Variants in NPHP4 observed in about 807,000 individuals in gnomAD.
NPHP4 encodes the protein nephrocystin 4.
A neutral mutation model predicts 155.8 loss-of-function variants in NPHP4; 151 were observed. That is an observed-to-expected ratio of 0.97 (90% CI 0.85 to 1.11). The LOEUF (loss-of-function observed/expected upper bound fraction) is 1.11. NPHP4 is among the 50% of genes least tolerant of loss of function. The probability of loss-of-function intolerance (pLI) is 0.00; values close to 1 mark genes in which losing one functional copy is unlikely to be tolerated. For missense variants in NPHP4, 1,956 were observed against 1,925.7 expected (o/e 1.02, Z -0.29); for synonymous variants, 845 against 816.8 (o/e 1.03, Z -0.59).
chr1:5,947,273 T>G (rs999292493), intron 8 of NPHP4, 43 bp from the exon 9 acceptor site: 1 of 1,603,568 alleles, frequency 6.2e-7, no homozygotes, highest in Non-Finnish European at 8.5e-7. Flanking sequence ...GAGCTCGAGC[T>G]CCCATCCTTC....
chr1:5,868,721 ATG>A (rs1641561694), intron 23 of NPHP4, among the ~76,000 whole-genome samples: 3 of 134,284 alleles, frequency 2.2e-5, no homozygotes, highest in African/African-American at 5.5e-5. Context: ...ACACACACAC[ATG>A]CACGCCCACA....
At chr1:5,884,284 C>G (rs940383662) in intron 18 of NPHP4, among the ~76,000 whole-genome samples, 3 of 152,210 alleles carry the variant, frequency 2.0e-5, no homozygotes, top group African/African-American at 7.2e-5. Context: ...ACCCCACAGC[C>G]TGGCCATCTG....
At chr1:5,946,977 A>G (rs1647134200) in intron 9 of NPHP4, 127 bp downstream of exon 9, 2 of 1,019,986 alleles carry the variant, frequency 2.0e-6, no homozygotes, top group South Asian at 1.4e-5. Flanking sequence ...CAGTAAAGTG[A>G]TTTTTACTTA....
At chr1:5,907,288 C>G (rs1570373621) in intron 12 of NPHP4, 66 bp from the exon 13 acceptor site, 1 of 1,028,160 alleles carries the variant, frequency 9.7e-7, no homozygotes, top group Non-Finnish European at 1.4e-6. Flanking sequence ...AAGCTCCCAA[C>G]ATGCACTGGC....
chr1:5,870,940 C>G (rs1641939357), intron 23 of NPHP4, among the ~76,000 whole-genome samples: 1 of 152,224 alleles, frequency 6.6e-6, no homozygotes, highest in African/African-American at 2.4e-5. Flanking sequence ...AGTGCTGGGA[C>G]ATTTGTGAAT....
chr1:5,927,363 AG>A lies in NPHP4; in HGVS notation c.1441+285del, dbSNP rs933770449. ...TCTAACTCTCGGGTCCCACATTTGC[AG>A]GGCATCCATGTGACGTGTCCTTTTA... On this transcript the variant is annotated intron_variant, in intron 11 of 29. Transcript: ENST00000378156. Among the ~76,000 whole-genome samples the A allele has an allele frequency of 8.5e-5, 13 of 152,274 alleles. 1 individual carries two copies. The Middle Eastern group carries it at 0.02, about 239-fold the overall frequency.
At position 5,973,017 on chromosome 1, in the gene NPHP4, T is replaced by A. The variant is rs1652864439; in HGVS notation, c.280-3758A>T. ...CTCTAGCCTCAGCCTCCCAAGTAGC[T>A]GGGATTACGCGTGTGTGCCACCACG... is the stretch of plus-strand genomic sequence containing the variant. On this transcript the variant is annotated intron_variant, in intron 3 of 29. Coordinates refer to ENST00000378156, the MANE Select transcript of NPHP4 (RefSeq NM_015102.5). Among the ~76,000 whole-genome samples the A allele has an allele frequency of 2.6e-5, 4 of 152,226 alleles. No individual in the cohort carries two copies. The South Asian group carries it at 8.3e-4, about 32-fold the overall frequency.
chr1:5,961,390 T>G (rs1650286334), intron 6 of NPHP4, among the ~76,000 whole-genome samples: 2 of 152,202 alleles, frequency 1.3e-5, no homozygotes, highest in African/African-American at 4.8e-5. Flanking sequence ...TTAAAAGGGC[T>G]AAGACGGTCA....
Position 5,948,229 on chromosome 1 carries a change from C to T in NPHP4, c.833G>A (p.Gly278Asp). The T allele has an allele frequency of 6.3e-7, 1 of 1,585,306 alleles. No individual in the cohort carries two copies. Reference sequence around the variant, plus strand: ...GCGCCGCTCCAGGATCTCCAGGGCACCACCGTCCAGTGGGCCACATCCCTG... The same window carrying T: ...GCGCCGCTCCAGGATCTCCAGGGCATCACCGTCCAGTGGGCCACATCCCTG... ...FQEGCGPLDGGALEILERRLR... is the reference protein window; with the variant it reads ...FQEGCGPLDGDALEILERRLR... Residue 278 changes from glycine (G) to aspartate (D), a missense_variant, in exon 8 of 30, where the codon GGT (glycine) becomes GAT (aspartate). Coordinates refer to ENST00000378156, the MANE Select transcript of NPHP4 (RefSeq NM_015102.5).
At chr1:5,912,537 C>CAAAAA (rs752371714) in intron 11 of NPHP4, among the ~76,000 whole-genome samples, 1 of 77,888 alleles carries the variant, frequency 1.3e-5, no homozygotes, top group African/African-American at 3.9e-5. Context: ...GACTCCGTCT[C>CAAAAA]AAAAAAAAAA....
At chr1:5,923,359 T>A (rs1295699596) in intron 11 of NPHP4, among the ~76,000 whole-genome samples, 1 of 151,860 alleles carries the variant, frequency 6.6e-6, no homozygotes, top group African/African-American at 2.4e-5. Context: ...CAAAGGAGAG[T>A]GATCCCAAGG....
Position 5,867,519 on chromosome 1 carries a change from G to A in NPHP4, c.3472+221C>T. 1.7e-6 allele frequency: 1 copy of A among 597,212 alleles called. No homozygotes were observed. Among genetic ancestry groups the A allele is most frequent in the East Asian group, 2.8e-5 (1 of 35,382 alleles). 37.0% of individuals were successfully genotyped at this position (597,212 alleles called of 1,614,324 possible). A position where few individuals can be genotyped will look rare whatever the true frequency, so the allele number is the denominator to read the frequency against. On this transcript the variant is annotated intron_variant, in intron 24 of 29. Coordinates refer to ENST00000378156, the MANE Select transcript of NPHP4 (RefSeq NM_015102.5). This position sits in a 1 kb window ranked among gnomAD's most constrained non-coding sequence, Gnocchi z 4.1. ...CGCGGGAGCTGGGATTTTTTAGAAGGGCAGACTCAGCCGGCAAATGCGCAC... is the reference window on the plus strand; with the variant it reads ...CGCGGGAGCTGGGATTTTTTAGAAGAGCAGACTCAGCCGGCAAATGCGCAC...
In NPHP4 at chr1:5,890,016, C is replaced by G. The variant is rs921388010; in HGVS notation, c.2304+852G>C. 6.6e-6 allele frequency among the ~76,000 whole-genome samples: 1 copy of G among 152,032 alleles called. No individual in the cohort carries two copies. Among genetic ancestry groups the G allele is most frequent in the African/African-American group, 2.4e-5 (1 of 41,398 alleles). Reference sequence around the variant, plus strand: ...AGCTGGAAAAACTCCCATACCCCATCCCCCCACCCCGAGAGCACAGCGCAG... The same window carrying G: ...AGCTGGAAAAACTCCCATACCCCATGCCCCCACCCCGAGAGCACAGCGCAG... On this transcript the variant is annotated intron_variant, in intron 17 of 29. Transcript: ENST00000378156. The surrounding 1 kb of genome is among the most constrained non-coding windows in gnomAD (Gnocchi z 4.9).
At chr1:5,991,906 G>A (rs1477059418) in intron 1 of NPHP4, among the ~76,000 whole-genome samples, 2 of 142,652 alleles carry the variant, frequency 1.4e-5, no homozygotes, top group Non-Finnish European at 3.1e-5. Context: ...CTTCAGCCGA[G>A]GGGCTGCAGA....
chr1:5,897,895 T>C (rs1208799658), intron 16 of NPHP4, among the ~76,000 whole-genome samples: 1 of 152,200 alleles, frequency 6.6e-6, no homozygotes. Context: ...CAACTTACTT[T>C]CAAATAATTC....
chr1:5,887,620 T>G (rs913858039), intron 17 of NPHP4, among the ~76,000 whole-genome samples, 154 bp from the exon 18 acceptor site: 4 of 150,668 alleles, frequency 2.7e-5, no homozygotes, highest in African/African-American at 7.3e-5. Flanking sequence ...CGCTGGGGGG[T>G]GAGGGGGCGG....
chr1:5,959,642 C>T (rs1192377767), intron 6 of NPHP4, among the ~76,000 whole-genome samples: 1 of 152,214 alleles, frequency 6.6e-6, no homozygotes, highest in Non-Finnish European at 1.5e-5. Flanking sequence ...AAGACTGACA[C>T]AGCTGACTTG....
At chr1:5,935,310 C>T (rs752282335) in intron 9 of NPHP4, among the ~76,000 whole-genome samples, 5 of 152,202 alleles carry the variant, frequency 3.3e-5, no homozygotes, top group Non-Finnish European at 7.3e-5. Context: ...GGCCAGGTTA[C>T]TGCCACATTC....
At chr1:5,920,548 C>T (rs553391804) in intron 11 of NPHP4, among the ~76,000 whole-genome samples, 11 of 152,278 alleles carry the variant, frequency 7.2e-5, no homozygotes, top group Non-Finnish European at 1.5e-4. Context: ...ATGGGGACAA[C>T]GTTAATGATC....
Sources: allele counts gnomAD v4.1 joint callset (sites outside exome capture counted in the v4.1 genomes callset), GRCh38; gene constraint gnomAD v4.1.1; non-coding constraint Gnocchi (gnomAD v3.1); transcripts MANE v1.5; gene names NCBI Gene and HGNC (gene_info 2026-07-23, HGNC 2026-07-21).